The following TDRKH variants were observed in gnomAD, a reference collection of about 807,000 sequenced individuals.
The protein encoded by TDRKH is tudor and KH domain containing.
A neutral mutation model predicts 61.3 loss-of-function variants in TDRKH; 28 were observed. The observed-to-expected ratio is 0.46, with a 90% CI of 0.34 to 0.63. TDRKH has a LOEUF of 0.63. TDRKH is among the 20% of genes least tolerant of loss of function. TDRKH has a pLI of 0.01. For missense variants in TDRKH, 540 were observed against 683.4 expected (o/e 0.79, Z 2.34); for synonymous variants, 219 against 244.4 (o/e 0.90, Z 0.97).
chr1:151,788,608 AT>A (rs1650575379), intron 1 of TDRKH, among the ~76,000 whole-genome samples: 2 of 152,228 alleles, frequency 1.3e-5, no homozygotes, highest in Admixed American at 6.5e-5. Flanking sequence ...TAACGTTGCA[AT>A]TTGGGAAACT....
chr1:151,776,275 G>A lies in TDRKH; in HGVS notation c.1045-7C>T. 6.2e-7 allele frequency: 1 copy of A among 1,612,260 alleles called. No individual in the cohort carries two copies. Among genetic ancestry groups the A allele is most frequent in the South Asian group, 1.1e-5 (1 of 90,924 alleles). ...GCACAGTCAAGTCTTCAGGCTGTAT[G>A]TGGGGAGGAGGAGAAAGGCAGAGAG... On this transcript the variant is annotated splice_region_variant and splice_polypyrimidine_tract_variant and intron_variant, in intron 7 of 12. Transcript: ENST00000368824.
Position 151,774,379 on chromosome 1 carries a change from C to G in TDRKH, c.*73G>C. On this transcript the variant is annotated 3_prime_UTR_variant, in exon 13 of 13. Coordinates refer to ENST00000368824, the MANE Select transcript of TDRKH (RefSeq NM_001083965.2). ...GCCCCACTGTCGCCCTCATTACTTT[C>G]CTGTTGCTACAGATAGATGATAGCT... 2 of 1,545,596 alleles carry G rather than the reference C, an allele frequency of 1.3e-6. No individual in the cohort carries two copies. Among genetic ancestry groups the G allele is most frequent in the African/African-American group, 1.4e-5 (1 of 72,776 alleles).
intron 3 of TDRKH, 45 bp from the exon 4 acceptor site, chr1:151,780,185 C>T (rs377157357): frequency 6.9e-6 from 11 of 1,585,734 alleles, no homozygotes; most frequent in Non-Finnish European, 8.6e-6. Context: ...GAAGAGCTCC[C>T]ATTTGAGCCC....
At chr1:151,767,605 A>G, downstream of TDRKH, 2 of 348,914 alleles carry the variant, frequency 5.7e-6, no homozygotes, top group Non-Finnish European at 9.9e-6. Context: ...GATGCTAAGC[A>G]GGATCTGGAA....
At chr1:151,777,866 G>A (rs979032678) in intron 6 of TDRKH, among the ~76,000 whole-genome samples, 1 of 151,508 alleles carries the variant, frequency 6.6e-6, no homozygotes, top group East Asian at 1.9e-4. Context: ...CACAGGTTGC[G>A]CCACCATGCC....
intron 6 of TDRKH, among the ~76,000 whole-genome samples, chr1:151,777,102 G>C (rs1210984064): frequency 6.6e-6 from 1 of 152,158 alleles, no homozygotes; most frequent in Non-Finnish European, 1.5e-5. Flanking sequence ...TTTAAAAACA[G>C]TAATGAAAAA....
chr1:151,787,314 G>A (rs374794704), intron 1 of TDRKH, among the ~76,000 whole-genome samples: 36 of 152,298 alleles, frequency 2.4e-4, no homozygotes, highest in African/African-American at 8.4e-4. Context: ...TGCCTCCCGG[G>A]TTCAAGCGAT....
chr1:151,780,560 G>A (rs1372177032), intron 3 of TDRKH, among the ~76,000 whole-genome samples: 2 of 152,134 alleles, frequency 1.3e-5, no homozygotes, highest in African/African-American at 2.4e-5. Flanking sequence ...TAGTAGAAAA[G>A]GATAATTTGA....
intron 6 of TDRKH, among the ~76,000 whole-genome samples, chr1:151,777,719 ATTTTTTT>A (rs35582886): frequency 2.3e-5 from 3 of 129,702 alleles, no homozygotes; most frequent in Admixed American, 8.2e-5. Flanking sequence ...AAAATAGTTA[ATTTTTTT>A]TTTTTTTTTT....
At chr1:151,788,742 A>C (rs752531483) in intron 1 of TDRKH, among the ~76,000 whole-genome samples, 2 of 152,208 alleles carry the variant, frequency 1.3e-5, no homozygotes, top group East Asian at 3.8e-4. Flanking sequence ...ACCTCTTTAC[A>C]GAGGCCCAAA....
At chr1:151,777,106 T>C (rs1317729496) in intron 6 of TDRKH, among the ~76,000 whole-genome samples, 1 of 152,132 alleles carries the variant, frequency 6.6e-6, no homozygotes, top group East Asian at 1.9e-4. Context: ...AAAACAGTAA[T>C]GAAAAAGGCA....
intron 2 of TDRKH, 32 bp downstream of exon 2, chr1:151,782,867 T>C: frequency 6.6e-7 from 1 of 1,525,034 alleles, no homozygotes. Flanking sequence ...TGTCTGAACA[T>C]TTTCACACAC....
downstream of TDRKH, among the ~76,000 whole-genome samples, chr1:151,772,850 A>G (rs982552080): frequency 2.0e-5 from 3 of 152,114 alleles, no homozygotes; most frequent in African/African-American, 7.2e-5. Flanking sequence ...GTGGGGTCTT[A>G]CTCACACAGC....
At chr1:151,771,625 G>A (rs1648707877), downstream of TDRKH, 3 of 348,600 alleles carry the variant, frequency 8.6e-6, no homozygotes, top group Admixed American at 9.5e-5. Flanking sequence ...GAGAAAACCA[G>A]AGAAGGCACA....
At chr1:151,782,010 C>G (rs753094703) in intron 2 of TDRKH, 10 of 456,834 alleles carry the variant, frequency 2.2e-5, no homozygotes, top group South Asian at 1.6e-4. Context: ...TAAGTGCCTT[C>G]TACTAACAAC....
chr1:151,775,523 C>T lies in TDRKH; in HGVS notation c.1303G>A (p.Ala435Thr). 6.2e-7 allele frequency: 1 copy of T among 1,613,570 alleles called. No individual in the cohort carries two copies. Among genetic ancestry groups the T allele is most frequent in the African/African-American group, 1.3e-5 (1 of 75,012 alleles). Residue 435 changes from alanine (A) to threonine (T), a missense_variant, in exon 10 of 13, where the codon GCT (alanine) becomes ACT (threonine). By Grantham distance (58) the Ala-to-Thr change is moderately conservative. This residue lies in a region of TDRKH where 379 missense variants were observed against 443.8 expected (regional missense o/e 0.85). Transcript: ENST00000368824. ...GTGAGTCTATCAAACTCATCCAAAG[C>T]TTCCTCTTCCCACTGGTCACCTGGC... ...APSGDQWEEE[A>T]LDEFDRLTHC... is the part of the protein sequence containing the mutation.
Position 151,779,613 on chromosome 1 carries a change from G to A in TDRKH, c.421+338C>T, listed in dbSNP as rs116120351. The A allele has an allele frequency of 3.6e-3, 1,347 of 373,732 alleles. 24 individuals carry two copies. Among genetic ancestry groups the A allele is most frequent in the African/African-American group, 0.026 (1,250 of 48,424 alleles). 23.2% of individuals were successfully genotyped at this position (373,732 alleles called of 1,614,324 possible). A position where few individuals can be genotyped will look rare whatever the true frequency, so the allele number is the denominator to read the frequency against. On this transcript the variant is annotated intron_variant, in intron 4 of 12. Transcript: ENST00000368824. The stretch of plus-strand genomic sequence containing the variant: ...AGCAGCACTAAGCAATGCTCTAGGG[G>A]AAAGCATAAAAGGTACCCTCTAGAG...
At chr1:151,775,987 T>C (rs1352226807) in intron 8 of TDRKH, 103 bp from the exon 9 acceptor site, 1 of 1,572,524 alleles carries the variant, frequency 6.4e-7, no homozygotes. Flanking sequence ...AACCATCTGC[T>C]CTCTGTAAAC....
chr1:151,770,530 C>T, downstream of TDRKH: 1 of 388,392 alleles, frequency 2.6e-6, no homozygotes, highest in Non-Finnish European at 4.6e-6. Flanking sequence ...ATGTGGCCAG[C>T]AGGACAAAAT....
Sources: allele counts gnomAD v4.1 joint callset (sites outside exome capture counted in the v4.1 genomes callset), GRCh38; gene constraint gnomAD v4.1.1; regional missense constraint gnomAD v4.1.1; transcripts MANE v1.5; gene names NCBI Gene and HGNC (gene_info 2026-07-23, HGNC 2026-07-21).